Variants in PCDHGA7 observed in about 807,000 individuals in gnomAD.
The protein encoded by PCDHGA7 is protocadherin gamma subfamily A, 7, also known as protocadherin gamma-A7.
A neutral mutation model predicts 58.3 loss-of-function variants in PCDHGA7; 44 were observed. That is an observed-to-expected ratio of 0.75 (90% CI 0.59 to 0.97). The LOEUF (loss-of-function observed/expected upper bound fraction) is 0.97. PCDHGA7 is among the 50% of genes least tolerant of loss of function. PCDHGA7 has a pLI of 0.00. For synonymous variants in PCDHGA7, 516 were observed against 504.2 expected (o/e 1.02, Z -0.31); for missense variants, 1,266 against 1,188.7 (o/e 1.06, Z -0.96).
At position 141,476,668 on chromosome 5, in the gene PCDHGA7, G is replaced by A; in HGVS notation, c.2425-18139G>A. The A allele has an allele frequency of 6.2e-7, 1 of 1,614,262 alleles. No individual in the cohort carries two copies. Among genetic ancestry groups the A allele is most frequent in the Non-Finnish European group, 8.5e-7 (1 of 1,180,054 alleles). On this transcript the variant is annotated intron_variant, in intron 1 of 3. Transcript: ENST00000518325. This position sits in a 1 kb window ranked among gnomAD's most constrained non-coding sequence, Gnocchi z 7.6. ...GAAATGAATACTTTGCGCTTCGCGT[G>A]CAGACGCGGGAGGACAGCACCAAGT...
At position 141,511,227 on chromosome 5, in the gene PCDHGA7, TCTC is replaced by T. The variant is rs2099883680; in HGVS notation, c.*57_*59del. 2 of 1,599,470 alleles carry T rather than the reference TCTC, an allele frequency of 1.3e-6. No homozygotes were observed. Among genetic ancestry groups the T allele is most frequent in the Non-Finnish European group, 1.7e-6 (2 of 1,173,054 alleles). ...CGGCCTCTCCCCAACCAGCCCAGCTTCTCCTTACCTGCACCCAGGCCTCAGAGT... is the reference window on the plus strand; with the variant it reads ...CGGCCTCTCCCCAACCAGCCCAGCTTCTTACCTGCACCCAGGCCTCAGAGT... On this transcript the variant is annotated 3_prime_UTR_variant, in exon 4 of 4. Transcript: ENST00000518325.
intron 2 of PCDHGA7, among the ~76,000 whole-genome samples, chr5:141,504,572 A>G (rs184273457): frequency 6.7e-6 from 1 of 148,962 alleles, no homozygotes; most frequent in Admixed American, 6.9e-5. Flanking sequence ...TCTAGGGAAC[A>G]CCATCTGCCC....
At chr5:141,469,992 G>A (rs894673835) in intron 1 of PCDHGA7, among the ~76,000 whole-genome samples, 10 of 152,054 alleles carry the variant, frequency 6.6e-5, no homozygotes, top group South Asian at 2.1e-4. Context: ...TTAGCTGGTC[G>A]TCGTGGCACG....
intron 1 of PCDHGA7, among the ~76,000 whole-genome samples, chr5:141,481,836 G>A (rs1435746995): frequency 2.7e-5 from 4 of 150,638 alleles, no homozygotes; most frequent in Non-Finnish European, 5.9e-5. Context: ...CAGGAGAATC[G>A]CTTGATGGTG....
chr5:141,455,587 T>C (rs1383947901), intron 1 of PCDHGA7, among the ~76,000 whole-genome samples: 1 of 152,162 alleles, frequency 6.6e-6, no homozygotes, highest in African/African-American at 2.4e-5. Flanking sequence ...CCTTTTAATA[T>C]GCAAACGTAG....
At chr5:141,456,149 G>A (rs377506220) in intron 1 of PCDHGA7, among the ~76,000 whole-genome samples, 1 of 151,866 alleles carries the variant, frequency 6.6e-6, no homozygotes, top group East Asian at 1.9e-4. Flanking sequence ...CGCCCGCCTC[G>A]GCCTCCTAAA....
chr5:141,427,319 G>T (rs1184530487), intron 1 of PCDHGA7: 4 of 456,958 alleles, frequency 8.8e-6, no homozygotes, highest in African/African-American at 8.0e-5. Flanking sequence ...CCCCAGACGT[G>T]GTTTTTACTT....
chr5:141,385,110 C>G lies in PCDHGA7; in HGVS notation c.2211C>G (p.Thr737=), dbSNP rs1315178545. 2 of 1,614,194 alleles carry G rather than the reference C, an allele frequency of 1.2e-6. No homozygotes were observed. The highest frequency in any genetic ancestry group is 2.2e-5 in the South Asian group (2 of 91,086). Residue 737 remains threonine (T), a synonymous_variant, in exon 1 of 4, where the codon ACC becomes ACG. Coordinates refer to ENST00000518325, the MANE Select transcript of PCDHGA7 (RefSeq NM_018920.4). Reference sequence around the variant, plus strand: ...AAGGTGGCTTGGCGAACGTGCCCACCTCGCACTTTGTGGGCATGGACGGGG... The same window carrying G: ...AAGGTGGCTTGGCGAACGTGCCCACGTCGCACTTTGTGGGCATGGACGGGG... ...ASEGGLANVP[T]SHFVGMDGVQ...
At chr5:141,441,984 A>G (rs1202392318) in intron 1 of PCDHGA7, 4 of 275,400 alleles carry the variant, frequency 1.5e-5, no homozygotes, top group South Asian at 7.2e-5. Flanking sequence ...TGGAATGCGC[A>G]CCGACGAGGT....
At chr5:141,466,324 C>A (rs2154569179) in intron 1 of PCDHGA7, among the ~76,000 whole-genome samples, 1 of 152,218 alleles carries the variant, frequency 6.6e-6, no homozygotes, top group East Asian at 1.9e-4. Context: ...GCACATGCTA[C>A]CATGCCTGGA....
intron 1 of PCDHGA7, among the ~76,000 whole-genome samples, chr5:141,471,768 T>A (rs1203999329): frequency 6.6e-6 from 1 of 152,174 alleles, no homozygotes; most frequent in Non-Finnish European, 1.5e-5. Context: ...GGTCAAAAGA[T>A]GAGTTTGACA....
At chr5:141,435,994 G>T (rs1007093302) in intron 1 of PCDHGA7, among the ~76,000 whole-genome samples, 18 of 152,046 alleles carry the variant, frequency 1.2e-4, no homozygotes, top group Admixed American at 1.2e-3. Context: ...GTGATTTTTT[G>T]AAAGAAAGTA....
In PCDHGA7 at chr5:141,409,837, C is replaced by G. The variant is rs182654621; in HGVS notation, c.2424+24514C>G. 823 of 1,611,470 alleles carry G rather than the reference C, an allele frequency of 5.1e-4. 5 individuals carry two copies. The East Asian group carries it at 9.5e-3, about 19-fold the overall frequency. On this transcript the variant is annotated intron_variant, in intron 1 of 3. Coordinates refer to ENST00000518325, the MANE Select transcript of PCDHGA7 (RefSeq NM_018920.4). ...ACGGCTCGCCCACGCTCAGCGCCAACGTGAGCCTGCGCGTGTTGGTGGGAG... is the reference window on the plus strand; with the variant it reads ...ACGGCTCGCCCACGCTCAGCGCCAAGGTGAGCCTGCGCGTGTTGGTGGGAG...
At chr5:141,501,355 A>G (rs936121172) in intron 2 of PCDHGA7, among the ~76,000 whole-genome samples, 4 of 151,760 alleles carry the variant, frequency 2.6e-5, no homozygotes, top group African/African-American at 9.7e-5. Flanking sequence ...ATAGGGCAAG[A>G]ACCATATTCA....
intron 1 of PCDHGA7, among the ~76,000 whole-genome samples, chr5:141,455,315 T>G (rs1416163436): frequency 6.6e-6 from 1 of 152,152 alleles, no homozygotes; most frequent in Non-Finnish European, 1.5e-5. Context: ...TTAGCAATTT[T>G]GTGTGTGTGT....
chr5:141,403,690 T>G, intron 1 of PCDHGA7: 1 of 1,613,908 alleles, frequency 6.2e-7, no homozygotes, highest in Non-Finnish European at 8.5e-7. Context: ...CTCAACGGAT[T>G]TACCGAGTTA....
chr5:141,464,093 C>T (rs1029458289), intron 1 of PCDHGA7, among the ~76,000 whole-genome samples: 1 of 151,888 alleles, frequency 6.6e-6, no homozygotes, highest in Non-Finnish European at 1.5e-5. Context: ...GGTGAAACTC[C>T]GTCTCTACTA....
At position 141,388,709 on chromosome 5, in the gene PCDHGA7, C is replaced by G. The variant is rs370023698; in HGVS notation, c.2424+3386C>G. On this transcript the variant is annotated intron_variant, in intron 1 of 3. Coordinates refer to ENST00000518325, the MANE Select transcript of PCDHGA7 (RefSeq NM_018920.4). Reference sequence around the variant, plus strand: ...CGGACCAGGATGAGGGTGTCAATGCCGAGATTACTTTCTCTTTCAGTGAAG... The same window carrying G: ...CGGACCAGGATGAGGGTGTCAATGCGGAGATTACTTTCTCTTTCAGTGAAG... 1.4e-5 allele frequency: 22 copies of G among 1,613,938 alleles called. No individual in the cohort carries two copies. In the Admixed American group the frequency reaches 3.7e-4, roughly 27 times the overall value.
In PCDHGA7 at chr5:141,485,417, G is replaced by A. The variant is rs1340790133; in HGVS notation, c.2425-9390G>A. The A allele has an allele frequency of 1.2e-6, 2 of 1,614,166 alleles. No homozygotes were observed. Among genetic ancestry groups the A allele is most frequent in the Non-Finnish European group, 8.5e-7 (1 of 1,180,038 alleles). ...ACACTTCCGTGTGGATTTGGACAGCGGAGCCCTGCTCATCAAGAACCCAAT... is the reference window on the plus strand; with the variant it reads ...ACACTTCCGTGTGGATTTGGACAGCAGAGCCCTGCTCATCAAGAACCCAAT... On this transcript the variant is annotated intron_variant, in intron 1 of 3. Coordinates refer to ENST00000518325, the MANE Select transcript of PCDHGA7 (RefSeq NM_018920.4). The surrounding 1 kb of genome is among the most constrained non-coding windows in gnomAD (Gnocchi z 5.7).
Sources: allele counts gnomAD v4.1 joint callset (sites outside exome capture counted in the v4.1 genomes callset), GRCh38; gene constraint gnomAD v4.1.1; non-coding constraint Gnocchi (gnomAD v3.1); transcripts MANE v1.5; gene names NCBI Gene and HGNC (gene_info 2026-07-23, HGNC 2026-07-21).